HEATR9: variants seen among roughly 807,000 people sequenced by gnomAD.
The protein encoded by HEATR9 is HEAT repeat containing 9, also known as protein HEATR9.
A neutral mutation model predicts 68.2 loss-of-function variants in HEATR9; 54 were observed. The observed-to-expected ratio is 0.79, with a 90% CI of 0.64 to 0.99. The LOEUF (loss-of-function observed/expected upper bound fraction) is 0.99. Among genes scored for constraint, HEATR9 ranks in the 50% least tolerant of loss-of-function variants. The pLI, the probability that HEATR9 is intolerant of heterozygous loss-of-function variation, is 0.00. For missense variants in HEATR9, 662 were observed against 679.7 expected, an observed-to-expected ratio of 0.97 and a Z score of 0.29; for synonymous variants, 241 against 253.5, an observed-to-expected ratio of 0.95 and a Z score of 0.47.
chr17:35,859,108 G>A (rs757410208), intron 8 of HEATR9, 38 bp from the exon 9 acceptor site: 3 of 1,571,716 alleles, frequency 1.9e-6, no homozygotes, highest in East Asian at 4.5e-5. Flanking sequence ...GAGGGGCTAT[G>A]TACTTTATGC....
At chr17:35,863,271 C>A in intron 7 of HEATR9, 146 bp from the exon 8 acceptor site, 1 of 1,155,880 alleles carries the variant, frequency 8.7e-7, no homozygotes, top group Non-Finnish European at 1.2e-6. Context: ...GATACCAGGG[C>A]AGCTGGCTGA....
At chr17:35,864,611 C>A in intron 4 of HEATR9, 58 bp from the exon 5 acceptor site, 1 of 1,591,820 alleles carries the variant, frequency 6.3e-7, no homozygotes, top group Non-Finnish European at 8.6e-7. Context: ...GAATTTCAAA[C>A]TAAAGGGAGC....
rs146349443 is a variant in HEATR9, at chr17:35,858,895, C to T, written c.932G>A (p.Arg311Gln). 1.3e-4 allele frequency: 215 copies of T among 1,613,474 alleles called. No homozygotes were observed. In the African/African-American group the frequency reaches 2.1e-3, roughly 16 times the overall value. ...GCCTCCTGCCCCTCACACCTTCATC[C>T]GCTGGGTCTTGAGTCCTTGGCACAG... ...QCLCQGLKTQ[R>Q]MKALRMLVKV... The change falls in exon 9 of 15, where the codon CGG (arginine) becomes CAG (glutamine). Residue 311 changes from arginine to glutamine, a missense_variant. By Grantham distance (43) the Arg-to-Gln change is conservative. Transcript: ENST00000604834.
Position 35,865,362 on chromosome 17 carries a change from C to A in HEATR9, c.173G>T (p.Cys58Phe). Residue 58 changes from cysteine (C) to phenylalanine (F), a missense_variant, in exon 3 of 15, where the codon TGC becomes TTC. Physicochemically the swap from Cys to Phe is radical, Grantham distance 205 (BLOSUM62 -2). Transcript: ENST00000604834. ...PKEEFPPSPE[C>F]WRQHPSKPNS... is the part of the protein sequence containing the mutation. ...TGGCTTGCTCGGATGCTGCCTCCAG[C>A]ACTCTGGACTTGGGGGAAACTCTTC... 6.2e-7 allele frequency: 1 copy of A among 1,613,682 alleles called. No individual in the cohort carries two copies. The highest frequency in any genetic ancestry group is 8.5e-7 in the Non-Finnish European group (1 of 1,179,982).
rs2088126439 is a variant in HEATR9, at chr17:35,864,613, AAAGGGAGCT to A, written c.454-69_454-61del. 5 of 1,592,590 alleles carry A rather than the reference AAAGGGAGCT, an allele frequency of 3.1e-6. No individual in the cohort carries two copies. In the South Asian group the frequency reaches 4.5e-5, roughly 14 times the overall value. ...AGAGAAAAATAAAGAATTTCAAACT[AAAGGGAGCT>A]CATCCAATCCAATCCCTTTTCCTAC... On this transcript the variant is annotated intron_variant, in intron 4 of 14. Coordinates refer to ENST00000604834, the MANE Select transcript of HEATR9 (RefSeq NM_152781.4).
chr17:35,862,664 A>T (rs2088036450), intron 8 of HEATR9, among the ~76,000 whole-genome samples: 1 of 152,208 alleles, frequency 6.6e-6, no homozygotes, highest in Non-Finnish European at 1.5e-5. Flanking sequence ...GCCCATAGTA[A>T]GTTAAGGAGT....
At chr17:35,856,373 G>A (rs776536201) in intron 12 of HEATR9, 149 bp from the exon 13 acceptor site, 1 of 1,575,792 alleles carries the variant, frequency 6.3e-7, no homozygotes, top group Non-Finnish European at 8.6e-7. Flanking sequence ...ATCAGAAAAG[G>A]GGCAGGGAGA....
At chr17:35,865,961 T>A (rs929792687) in intron 2 of HEATR9, among the ~76,000 whole-genome samples, 1 of 152,232 alleles carries the variant, frequency 6.6e-6, no homozygotes, top group African/African-American at 2.4e-5. Context: ...TAAAATAATC[T>A]ATCACTTAAA....
intron 1 of HEATR9, among the ~76,000 whole-genome samples, chr17:35,868,202 G>A (rs75526146): frequency 0.021 from 3,247 of 152,304 alleles, 67 homozygotes; most frequent in East Asian, 0.11. Context: ...AAACAAATGT[G>A]AAGATAGATG....
chr17:35,861,563 G>A (rs1244713413), intron 8 of HEATR9: 5 of 767,192 alleles, frequency 6.5e-6, no homozygotes, highest in African/African-American at 1.7e-5. Flanking sequence ...TTCTTGATAC[G>A]CATGTTGAAC....
chr17:35,863,268 G>A, intron 7 of HEATR9, 143 bp from the exon 8 acceptor site: 2 of 1,181,588 alleles, frequency 1.7e-6, no homozygotes, highest in East Asian at 2.4e-5. Flanking sequence ...CAGGATACCA[G>A]GGCAGCTGGC....
intron 8 of HEATR9, among the ~76,000 whole-genome samples, chr17:35,861,996 CAGGTGTGGGTCA>C (rs2088011839): frequency 6.6e-6 from 1 of 151,890 alleles, no homozygotes; most frequent in South Asian, 2.1e-4. Flanking sequence ...GCTGGGATTA[CAGGTGTGGGTCA>C]CCACACCTGG....
intron 2 of HEATR9, among the ~76,000 whole-genome samples, chr17:35,866,180 G>C (rs765954523): frequency 6.6e-6 from 1 of 151,508 alleles, no homozygotes; most frequent in Admixed American, 6.6e-5. Context: ...CAAGTGATTG[G>C]CATAAGTTCA....
chr17:35,866,245 A>G (rs902603036), intron 2 of HEATR9, among the ~76,000 whole-genome samples: 1 of 152,114 alleles, frequency 6.6e-6, no homozygotes, highest in Non-Finnish European at 1.5e-5. Flanking sequence ...AAGAAAAAAA[A>G]AAAAGCTCCC....
rs1186643106 is a variant in HEATR9, at chr17:35,863,247, GC to G, written c.626-123del. The G allele has an allele frequency of 4.5e-6, 6 of 1,325,986 alleles. No homozygotes were observed. In the East Asian group the frequency reaches 1.4e-4, roughly 31 times the overall value. 82.1% of individuals were successfully genotyped at this position (1,325,986 alleles called of 1,614,324 possible). On this transcript the variant is annotated intron_variant, in intron 7 of 14. Coordinates refer to ENST00000604834, the MANE Select transcript of HEATR9 (RefSeq NM_152781.4). ...TCCAAGTCCTAGGTACCACAGTGTT[GC>G]TCATCTTCCCAGGATACCAGGGCAG...
intron 8 of HEATR9, among the ~76,000 whole-genome samples, chr17:35,862,747 C>T (rs890411679): frequency 6.6e-6 from 1 of 152,188 alleles, no homozygotes; most frequent in Non-Finnish European, 1.5e-5. Context: ...AAATCAGGAA[C>T]CATCTGTACT....
At chr17:35,864,431 T>G in intron 5 of HEATR9, 66 bp downstream of exon 5, 15 of 1,579,260 alleles carry the variant, frequency 9.5e-6, no homozygotes, top group Non-Finnish European at 1.3e-5. Flanking sequence ...GTCAAGCAGC[T>G]TTTTACTTTC....
chr17:35,857,237 A>G (rs577528649), intron 11 of HEATR9, among the ~76,000 whole-genome samples: 1 of 152,278 alleles, frequency 6.6e-6, no homozygotes, highest in Non-Finnish European at 1.5e-5. Flanking sequence ...AAGCACTCTG[A>G]GTGCTCTAAT....
At chr17:35,867,185 G>A (rs573865060) in intron 1 of HEATR9, among the ~76,000 whole-genome samples, 13 of 152,098 alleles carry the variant, frequency 8.5e-5, no homozygotes, top group African/African-American at 2.9e-4. Flanking sequence ...GTGTGAACCC[G>A]GGAGGCGGAG....
Sources: gnomAD v4.1 joint callset for allele counts (sites outside exome capture counted in the v4.1 genomes callset) on GRCh38, gnomAD v4.1.1 for gene constraint, MANE v1.5 for transcripts, NCBI Gene and HGNC (gene_info 2026-07-23, HGNC 2026-07-21) for gene names.